The following MICAL3 variants were observed in gnomAD, a reference collection of about 807,000 sequenced individuals.
MICAL3 encodes microtubule associated monooxygenase, calponin and LIM domain containing 3.
MICAL3 carries 62 observed loss-of-function variants against 207.4 expected under a neutral mutation model. The observed-to-expected ratio is 0.30, with a 90% CI of 0.24 to 0.37. The LOEUF is 0.37. Among genes scored for constraint, MICAL3 ranks in the 10% least tolerant of loss-of-function variants. The pLI is 1.00. For missense variants in MICAL3, 2,368 were observed against 2,635.6 expected (o/e 0.90, Z 2.22); for synonymous variants, 1,077 against 1,069.3 (o/e 1.01, Z -0.14).
intron 16 of MICAL3, among the ~76,000 whole-genome samples, chr22:17,873,298 G>A (rs1022854116): frequency 1.5e-4 from 23 of 152,242 alleles, no homozygotes; most frequent in Non-Finnish European, 1.3e-4. Context: ...GGTCCAGGAG[G>A]CCATCTCCTC....
At chr22:17,970,361 C>G (rs1935350616) in intron 1 of MICAL3, among the ~76,000 whole-genome samples, 1 of 152,110 alleles carries the variant, frequency 6.6e-6, no homozygotes, top group Non-Finnish European at 1.5e-5. Flanking sequence ...CCAGGGCCCA[C>G]TGGTCCTTGA....
intron 1 of MICAL3, among the ~76,000 whole-genome samples, chr22:17,966,298 G>A (rs746514698): frequency 3.3e-5 from 5 of 151,962 alleles, no homozygotes; most frequent in East Asian, 1.9e-4. Flanking sequence ...CCACTCCCTC[G>A]GGCCTGGGTG....
At chr22:17,794,966 G>A (rs929029384) in intron 29 of MICAL3, among the ~76,000 whole-genome samples, 1 of 152,206 alleles carries the variant, frequency 6.6e-6, no homozygotes, top group African/African-American at 2.4e-5. Context: ...TGAAGAAATG[G>A]CCTTGTTTTA....
At position 17,827,541 on chromosome 22, in the gene MICAL3, C is replaced by T. The variant is rs890714312; in HGVS notation, c.3193+103G>A. 4.5e-6 allele frequency: 6 copies of T among 1,326,138 alleles called. No homozygotes were observed. In the African/African-American group the frequency reaches 5.9e-5, roughly 13 times the overall value. The allele number at this position is 1,326,138 out of a possible 1,614,324, so 82.1% of individuals were successfully genotyped here. ...GATGCGCCTGGCTCCCGTGTGTGAC[C>T]TCATGGGTGGCTCTGCCCTGACAGA... On this transcript the variant is annotated intron_variant, in intron 22 of 31. Coordinates refer to ENST00000441493, the MANE Select transcript of MICAL3 (RefSeq NM_015241.3).
rs779283756 is a variant in MICAL3 at position 17,864,969 on chromosome 22, C to T, written c.2535G>A (p.Leu845=). Residue 845 remains leucine, a synonymous_variant, in exon 19 of 32, where the codon CTG becomes CTA. Transcript: ENST00000441493. ...TTGCATCTGTGGTGGCGCCATCCTG[C>T]AGGGGTCCTTTGGCCTCCTAGGAAA... ...PLSGKEAKGP[L]QDGATTDANG... is the part of the protein sequence containing the mutation. The T allele has an allele frequency of 8.1e-6, 13 of 1,607,382 alleles. No homozygotes were observed. In the Admixed American group the frequency reaches 1.7e-4, roughly 21 times the overall value.
chr22:17,941,854 C>T lies in MICAL3; in HGVS notation c.-74-34968G>A, dbSNP rs553947566. 9.9e-5 allele frequency among the ~76,000 whole-genome samples: 15 copies of T among 152,270 alleles called. No homozygotes were observed. The East Asian group carries it at 2.5e-3, about 26-fold the overall frequency. ...GGCAGGCGTGGTCAATCGCTCCCTC[C>T]CACCCCCATTCTAAAGTGCCTCCAG... On this transcript the variant is annotated intron_variant, in intron 1 of 31. Transcript: ENST00000441493.
chr22:17,978,039 TAATAA>T (rs1041057843), intron 1 of MICAL3, among the ~76,000 whole-genome samples: 18 of 140,972 alleles, frequency 1.3e-4, no homozygotes, highest in South Asian at 2.2e-4. Context: ...AATAAATAAA[TAATAA>T]AATAAAATAA....
intron 1 of MICAL3, among the ~76,000 whole-genome samples, chr22:17,913,385 G>A (rs1932259754): frequency 6.6e-6 from 1 of 152,146 alleles, no homozygotes; most frequent in South Asian, 2.1e-4. Context: ...ACCGGTCCTG[G>A]GGAAAGCACT....
At chr22:17,854,752 C>T (rs1005682939) in intron 19 of MICAL3, among the ~76,000 whole-genome samples, 5 of 152,226 alleles carry the variant, frequency 3.3e-5, no homozygotes, top group South Asian at 2.1e-4. Flanking sequence ...CCCCTCCGTC[C>T]ATGTTTGTCA....
At chr22:17,965,181 T>TA (rs1423282836) in intron 1 of MICAL3, among the ~76,000 whole-genome samples, 1 of 53,752 alleles carries the variant, frequency 1.9e-5, no homozygotes, top group Non-Finnish European at 3.4e-5. Flanking sequence ...AGACCCCGTC[T>TA]CCAAAAAAAA....
chr22:17,894,502 A>G (rs1569120673), intron 10 of MICAL3, among the ~76,000 whole-genome samples: 1 of 152,070 alleles, frequency 6.6e-6, no homozygotes, highest in Non-Finnish European at 1.5e-5. Flanking sequence ...GCCTCTTAAC[A>G]GAAGGCCTAA....
chr22:17,881,715 G>A (rs1326458315), intron 16 of MICAL3, among the ~76,000 whole-genome samples: 2 of 152,196 alleles, frequency 1.3e-5, no homozygotes, highest in Non-Finnish European at 2.9e-5. Flanking sequence ...AGCCCCTTCA[G>A]GGAGCAGCTG....
chr22:17,821,840 A>T (rs1316333687), intron 24 of MICAL3, among the ~76,000 whole-genome samples, 190 bp downstream of exon 24: 2 of 152,260 alleles, frequency 1.3e-5, no homozygotes, highest in African/African-American at 4.8e-5. Context: ...CCTTTGGCCA[A>T]AGCAACTGCA....
chr22:17,821,080 G>T (rs1304589537), intron 25 of MICAL3, among the ~76,000 whole-genome samples: 1 of 150,834 alleles, frequency 6.6e-6, no homozygotes, highest in African/African-American at 2.4e-5. Flanking sequence ...TAATAAATTT[G>T]TTTAAATTAA....
At chr22:17,928,506 GAT>G (rs1435874379) in intron 1 of MICAL3, among the ~76,000 whole-genome samples, 4 of 152,004 alleles carry the variant, frequency 2.6e-5, no homozygotes, top group Non-Finnish European at 5.9e-5. Context: ...TAGTGTATGA[GAT>G]ATATCTAGTG....
At chr22:18,007,103 T>A (rs1395965284) in intron 1 of MICAL3, 2 of 152,142 alleles carry the variant, frequency 1.3e-5, no homozygotes, top group Non-Finnish European at 2.9e-5. Context: ...TGAACTGCCC[T>A]CCTCAGCCTC....
At chr22:17,969,194 C>A (rs1007707081) in intron 1 of MICAL3, among the ~76,000 whole-genome samples, 3 of 152,148 alleles carry the variant, frequency 2.0e-5, no homozygotes, top group Non-Finnish European at 2.9e-5. Context: ...CGTCCGCCAC[C>A]ACACCCAGCT....
intron 19 of MICAL3, among the ~76,000 whole-genome samples, chr22:17,856,654 G>A (rs1227465618): frequency 2.5e-5 from 3 of 121,146 alleles, no homozygotes; most frequent in South Asian, 2.6e-4. Flanking sequence ...TCGCTCTGTC[G>A]CCCAGGCCGG....
chr22:17,931,763 C>T (rs1933276345), intron 1 of MICAL3, among the ~76,000 whole-genome samples: 1 of 152,252 alleles, frequency 6.6e-6, no homozygotes, highest in African/African-American at 2.4e-5. Context: ...AGATACCCTT[C>T]TCAGATGTGC....
Sources: allele counts gnomAD v4.1 joint callset (sites outside exome capture counted in the v4.1 genomes callset), GRCh38; gene constraint gnomAD v4.1.1; transcripts MANE v1.5; gene names NCBI Gene and HGNC (gene_info 2026-07-23, HGNC 2026-07-21).